Variants in SLC12A2 observed in about 807,000 individuals in gnomAD.
The protein encoded by SLC12A2 is Na-K-2Cl cotransporter 1.
A neutral mutation model predicts 136.3 loss-of-function variants in SLC12A2; 67 were observed. That is an observed-to-expected ratio of 0.49 (90% CI 0.40 to 0.60). The LOEUF is 0.60. Ranked by LOEUF, SLC12A2 falls within the 20% of genes least tolerant of loss-of-function variation. SLC12A2 has a pLI of 0.00. For missense variants in SLC12A2, 1,322 were observed against 1,534.7 expected (o/e 0.86, Z 2.32); for synonymous variants, 619 against 562.9 (o/e 1.10, Z -1.41).
At chr5:128,182,604 T>C (rs748548126) in intron 23 of SLC12A2, among the ~76,000 whole-genome samples, 1 of 152,160 alleles carries the variant, frequency 6.6e-6, no homozygotes, top group Non-Finnish European at 1.5e-5. Flanking sequence ...TTATTATTAA[T>C]GTCTTTGTCC....
chr5:128,178,696 T>C lies in SLC12A2; in HGVS notation c.3100+7T>C, dbSNP rs777202149. 2.6e-6 allele frequency: 4 copies of C among 1,535,656 alleles called. No homozygotes were observed. The highest frequency in any genetic ancestry group is 3.5e-6 in the Non-Finnish European group (4 of 1,145,342). ...TGGCTTTTTGATGATGGAGGTAAGG[T>C]TGTTAATTTTTTTAAAATGATTTTA... On this transcript the variant is annotated splice_region_variant and intron_variant, in intron 22 of 26. Transcript: ENST00000262461.
chr5:128,176,068 A>G (rs1763532914), intron 20 of SLC12A2, among the ~76,000 whole-genome samples: 1 of 152,052 alleles, frequency 6.6e-6, no homozygotes, highest in South Asian at 2.1e-4. Context: ...CTTCAGAATT[A>G]GAGACATTAG....
chr5:128,180,214 C>T (rs1264129044), intron 22 of SLC12A2, among the ~76,000 whole-genome samples: 1 of 151,950 alleles, frequency 6.6e-6, no homozygotes, highest in East Asian at 1.9e-4. Flanking sequence ...TCGTGATCCA[C>T]CCACCTCGGC....
At chr5:128,156,936 A>G (rs1220944865) in intron 15 of SLC12A2, among the ~76,000 whole-genome samples, 2 of 152,180 alleles carry the variant, frequency 1.3e-5, no homozygotes, top group East Asian at 3.8e-4. Flanking sequence ...AGGCTAGGAA[A>G]TATACTGTCT....
chr5:128,157,016 A>G (rs1244742780), intron 15 of SLC12A2, among the ~76,000 whole-genome samples: 1 of 152,166 alleles, frequency 6.6e-6, no homozygotes, highest in African/African-American at 2.4e-5. Flanking sequence ...GATTGCCTCA[A>G]AGCAACTCTC....
intron 1 of SLC12A2, among the ~76,000 whole-genome samples, chr5:128,103,405 A>G (rs1760815246): frequency 6.6e-6 from 1 of 152,204 alleles, no homozygotes; most frequent in Non-Finnish European, 1.5e-5. Flanking sequence ...TTGAGAACAG[A>G]CACTCATTTT....
At chr5:128,117,212 T>C (rs1271234321) in intron 4 of SLC12A2, among the ~76,000 whole-genome samples, 2 of 152,158 alleles carry the variant, frequency 1.3e-5, no homozygotes, top group Non-Finnish European at 2.9e-5. Context: ...ATCCAAAGTA[T>C]TGAGCACTAC....
chr5:128,162,015 TTAAAGGGACAG>T (rs1213594852), intron 17 of SLC12A2, among the ~76,000 whole-genome samples: 1 of 152,170 alleles, frequency 6.6e-6, no homozygotes, highest in Non-Finnish European at 1.5e-5. Flanking sequence ...TAATTCAGAA[TTAAAGGGACAG>T]TAGAAATGTT....
In SLC12A2 at chr5:128,167,881, T is replaced by A. The variant is rs1017027096; in HGVS notation, c.2723+14T>A. 93 of 1,388,012 alleles carry A rather than the reference T, an allele frequency of 6.7e-5. No homozygotes were observed. The highest frequency in any genetic ancestry group is 9.1e-5 in the Non-Finnish European group (92 of 1,009,910). The allele number at this position is 1,388,012 out of a possible 1,614,324, so 86.0% of individuals were successfully genotyped here. On this transcript the variant is annotated intron_variant, in intron 18 of 26. Coordinates refer to ENST00000262461, the MANE Select transcript of SLC12A2 (RefSeq NM_001046.3). ...AAACTTATTTCAGTAAGTATCTTTT[T>A]AATTCAATAATTTAGTTCATTTAGA...
chr5:128,099,828 A>AT (rs2039264254), intron 1 of SLC12A2, among the ~76,000 whole-genome samples: 1 of 152,158 alleles, frequency 6.6e-6, no homozygotes, highest in African/African-American at 2.4e-5. Flanking sequence ...TTCAAGCACT[A>AT]TAACACGTGG....
In SLC12A2 at chr5:128,141,994, T is replaced by C. The variant is rs1762381295; in HGVS notation, c.1773+13T>C. ...GAACAACTTCCAGGTGAGCATTGAC[T>C]TTGTAATATACAGACATTCTGTATT... On this transcript the variant is annotated intron_variant, in intron 10 of 26. Transcript: ENST00000262461. 2.5e-6 allele frequency: 4 copies of C among 1,610,876 alleles called. No individual in the cohort carries two copies. The highest frequency in any genetic ancestry group is 3.4e-6 in the Non-Finnish European group (4 of 1,177,340).
intron 1 of SLC12A2, among the ~76,000 whole-genome samples, chr5:128,092,207 G>A (rs907007784): frequency 2.6e-5 from 4 of 152,136 alleles, no homozygotes; most frequent in South Asian, 2.1e-4. Flanking sequence ...ACAATTATAC[G>A]TTTGAAACAC....
chr5:128,105,875 AT>A (rs1195183498), intron 1 of SLC12A2, among the ~76,000 whole-genome samples: 1 of 151,954 alleles, frequency 6.6e-6, no homozygotes, highest in East Asian at 1.9e-4. Context: ...CTAGCTTTTT[AT>A]CCCTGGCCCC....
Position 128,110,861 on chromosome 5 carries a change from A to C in SLC12A2, c.757-1953A>C, listed in dbSNP as rs74794590. ...GATGACATATTCTGTTATTATTTCAAACTTTTCCAGGAATATGCCAATTTA... is the reference window on the plus strand; with the variant it reads ...GATGACATATTCTGTTATTATTTCACACTTTTCCAGGAATATGCCAATTTA... On this transcript the variant is annotated intron_variant, in intron 1 of 26. Transcript: ENST00000262461. 5 of 1,415,894 alleles carry C rather than the reference A, an allele frequency of 3.5e-6. No homozygotes were observed. The Admixed American group carries it at 5.0e-5, about 14-fold the overall frequency. 87.7% of individuals were successfully genotyped at this position (1,415,894 alleles called of 1,614,324 possible). A position where few individuals can be genotyped will look rare whatever the true frequency, so the allele number is the denominator to read the frequency against.
Position 128,171,757 on chromosome 5 carries a change from T to A in SLC12A2, c.2803+11T>A. The stretch of plus-strand genomic sequence containing the variant: ...ATCTTCAAGGACAAGGTAAATTTTG[T>A]TGGCAATAAGTTTTTTATTTACAAA... On this transcript the variant is annotated intron_variant, in intron 19 of 26. Transcript: ENST00000262461. 1 of 1,527,350 alleles carries A rather than the reference T, an allele frequency of 6.5e-7. No homozygotes were observed. Among genetic ancestry groups the A allele is most frequent in the Non-Finnish European group, 8.8e-7 (1 of 1,130,724 alleles). 94.6% of individuals were successfully genotyped at this position (1,527,350 alleles called of 1,614,324 possible).
chr5:128,153,375 T>G (rs1440507164), intron 15 of SLC12A2, among the ~76,000 whole-genome samples: 1 of 152,126 alleles, frequency 6.6e-6, no homozygotes, highest in Non-Finnish European at 1.5e-5. Context: ...GCCAACATGG[T>G]GAAACCTTGT....
intron 9 of SLC12A2, among the ~76,000 whole-genome samples, chr5:128,139,450 C>T (rs753598375): frequency 2.2e-4 from 34 of 152,144 alleles, no homozygotes; most frequent in Non-Finnish European, 3.7e-4. Context: ...GTTATTACTT[C>T]ATGGGATCAT....
intron 6 of SLC12A2, among the ~76,000 whole-genome samples, chr5:128,134,515 T>G (rs976955719): frequency 1.8e-4 from 27 of 152,052 alleles, no homozygotes; most frequent in African/African-American, 6.5e-4. Context: ...TTTCCCGCCT[T>G]CTCGCCCATC....
chr5:128,175,874 T>C (rs1369756138), intron 20 of SLC12A2, among the ~76,000 whole-genome samples: 1 of 152,004 alleles, frequency 6.6e-6, no homozygotes, highest in Admixed American at 6.6e-5. Flanking sequence ...CAAAGACAAA[T>C]GCCATTAAAT....
Sources: gnomAD v4.1 joint callset for allele counts (sites outside exome capture counted in the v4.1 genomes callset) on GRCh38, gnomAD v4.1.1 for gene constraint, MANE v1.5 for transcripts, NCBI Gene and HGNC (gene_info 2026-07-23, HGNC 2026-07-21) for gene names.